The following SELENOT variants were observed in gnomAD, a reference collection of about 807,000 sequenced individuals.
SELENOT encodes the protein selenoprotein T, also known as thioredoxin reductase-like selenoprotein T.
Under a neutral mutation model 24.3 loss-of-function variants are expected in SELENOT, and 9 were observed. The observed-to-expected ratio is 0.37, with a 90% CI of 0.22 to 0.65. The LOEUF (loss-of-function observed/expected upper bound fraction) is 0.65, where lower values mean the gene tolerates loss of function less well. Among genes scored for constraint, SELENOT ranks in the 30% least tolerant of loss-of-function variants. The pLI is 0.60. For synonymous variants in SELENOT, 81 were observed against 86.0 expected, an observed-to-expected ratio of 0.94 and a Z score of 0.32; for missense variants, 166 against 247.6, an observed-to-expected ratio of 0.67 and a Z score of 2.21.
At chr3:150,603,533 C>T (rs1371662766) in intron 1 of SELENOT, 34 bp downstream of exon 1, 3 of 1,550,066 alleles carry the variant, frequency 1.9e-6, no homozygotes, top group Non-Finnish European at 2.6e-6. Flanking sequence ...GCCACCCCGC[C>T]GCGCCTCTGC....
At chr3:150,615,835 A>G (rs891286528) in intron 1 of SELENOT, among the ~76,000 whole-genome samples, 2 of 151,710 alleles carry the variant, frequency 1.3e-5, no homozygotes, top group African/African-American at 4.8e-5. Flanking sequence ...TCTTCACAGA[A>G]TTGGAAAAAA....
At position 150,629,120 on chromosome 3, in the gene SELENOT, A is replaced by C. The variant is rs1433156362; in HGVS notation, c.*1491A>C. On this transcript the variant is annotated 3_prime_UTR_variant, in exon 6 of 6. Transcript: ENST00000471696. ...CTAACTTTCTGTAACAATTAACCTT[A>C]TACTTTGTTTGTCATCGAATATTTG... 6.6e-6 allele frequency: 1 copy of C among 152,216 alleles called. No individual in the cohort carries two copies. The highest frequency in any genetic ancestry group is 2.4e-5 in the African/African-American group (1 of 41,450). 9.4% of individuals were successfully genotyped at this position (152,216 alleles called of 1,614,324 possible). A position where few individuals can be genotyped will look rare whatever the true frequency, so the allele number is the denominator to read the frequency against.
chr3:150,611,913 TC>T, intron 1 of SELENOT: 2 of 982,196 alleles, frequency 2.0e-6, no homozygotes, highest in Non-Finnish European at 3.0e-6. Flanking sequence ...CTGACAGAAA[TC>T]CCCACTCTCC....
chr3:150,626,711 C>T (rs1726453820), intron 4 of SELENOT, among the ~76,000 whole-genome samples: 1 of 152,196 alleles, frequency 6.6e-6, no homozygotes, highest in African/African-American at 2.4e-5. Context: ...TTTTAGATCT[C>T]AATTTAAATG....
At chr3:150,622,516 A>G (rs1420507876) in intron 2 of SELENOT, 21 bp downstream of exon 2, 4 of 1,215,956 alleles carry the variant, frequency 3.3e-6, no homozygotes, top group South Asian at 1.6e-5. Context: ...TTAATAACTT[A>G]AAAGGAAAAC....
rs891590348 is a variant in SELENOT at position 150,606,441 on chromosome 3, A to G, written c.137+2942A>G. Reference sequence around the variant, plus strand: ...AAGTCTACCAGACTGGCACAGTATTACTTGTGTATCTGAGTCTGTGGTTTA... The same window carrying G: ...AAGTCTACCAGACTGGCACAGTATTGCTTGTGTATCTGAGTCTGTGGTTTA... On this transcript the variant is annotated intron_variant, in intron 1 of 5. Transcript: ENST00000471696. 5.9e-5 allele frequency among the ~76,000 whole-genome samples: 9 copies of G among 152,154 alleles called. 1 individual carries two copies. The highest frequency in any genetic ancestry group is 1.0e-4 in the Non-Finnish European group (7 of 68,014).
rs952970469 is a variant in SELENOT at position 150,624,975 on chromosome 3, AATAAG to A, written c.463+81_463+85del. The A allele has an allele frequency of 1.8e-4, 123 of 698,970 alleles. No individual in the cohort carries two copies. The African/African-American group carries it at 2.1e-3, about 12-fold the overall frequency. The allele number at this position is 698,970 out of a possible 1,614,324, so 43.3% of individuals were successfully genotyped here. Reference sequence around the variant, plus strand: ...TGAGTATCAAGCTTTTATCTTTTATAATAAGATAAACTTCTTTAGTGTTTGTATAA... The same window carrying A: ...TGAGTATCAAGCTTTTATCTTTTATAATAAACTTCTTTAGTGTTTGTATAA... On this transcript the variant is annotated intron_variant, in intron 4 of 5. Transcript: ENST00000471696.
intron 1 of SELENOT, among the ~76,000 whole-genome samples, chr3:150,605,706 G>T (rs1006359206): frequency 1.3e-5 from 2 of 152,076 alleles, no homozygotes; most frequent in Admixed American, 6.5e-5. Context: ...GATCAACTTA[G>T]CTTGTTGTTT....
At chr3:150,621,166 CTT>C (rs1207627001) in intron 1 of SELENOT, among the ~76,000 whole-genome samples, 2 of 152,062 alleles carry the variant, frequency 1.3e-5, no homozygotes, top group South Asian at 2.1e-4. Flanking sequence ...ATTTGTATCT[CTT>C]TGCGAAATAT....
At position 150,629,216 on chromosome 3, in the gene SELENOT, C is replaced by G. The variant is rs1318823297; in HGVS notation, c.*1587C>G. The G allele has an allele frequency of 6.6e-6, 1 of 152,170 alleles. No individual in the cohort carries two copies. Among genetic ancestry groups the G allele is most frequent in the East Asian group, 1.9e-4 (1 of 5,192 alleles). The allele number at this position is 152,170 out of a possible 1,614,324, so 9.4% of individuals were successfully genotyped here. On this transcript the variant is annotated 3_prime_UTR_variant, in exon 6 of 6. Coordinates refer to ENST00000471696, the MANE Select transcript of SELENOT (RefSeq NM_016275.5). ...TGGAACATACTGTAATCTCCAGATG[C>G]TAGGAAGTTAGTCTAATAATTCACT...
chr3:150,625,482 C>T (rs1378836217), intron 4 of SELENOT, among the ~76,000 whole-genome samples: 2 of 152,078 alleles, frequency 1.3e-5, no homozygotes, highest in Non-Finnish European at 2.9e-5. Context: ...CTTCTCAGTT[C>T]CACCTCCTAA....
At position 150,618,706 on chromosome 3, in the gene SELENOT, T is replaced by G. The variant is rs185143430; in HGVS notation, c.138-3679T>G. On this transcript the variant is annotated intron_variant, in intron 1 of 5. Transcript: ENST00000471696. ...CTGGCTAATTTTTTCTTTTTTTTTGTAGAGATGGAGTCTCACTGTATTGCC... is the reference window on the plus strand; with the variant it reads ...CTGGCTAATTTTTTCTTTTTTTTTGGAGAGATGGAGTCTCACTGTATTGCC... 7.8e-5 allele frequency: 12 copies of G among 154,028 alleles called. No homozygotes were observed. In the East Asian group the frequency reaches 2.3e-3, roughly 30 times the overall value. The allele number at this position is 154,028 out of a possible 1,614,324, so 9.5% of individuals were successfully genotyped here. A position where few individuals can be genotyped will look rare whatever the true frequency, so the allele number is the denominator to read the frequency against.
chr3:150,608,474 A>T (rs1726018790), intron 1 of SELENOT, among the ~76,000 whole-genome samples: 3 of 152,230 alleles, frequency 2.0e-5, no homozygotes, highest in Non-Finnish European at 2.9e-5. Flanking sequence ...ATTTATAGAG[A>T]TGCTACATGT....
chr3:150,604,923 A>C lies in SELENOT; in HGVS notation c.137+1424A>C, dbSNP rs1432396754. 2.0e-5 allele frequency among the ~76,000 whole-genome samples: 3 copies of C among 151,696 alleles called. No individual in the cohort carries two copies. In the East Asian group the frequency reaches 5.8e-4, roughly 29 times the overall value. On this transcript the variant is annotated intron_variant, in intron 1 of 5. Transcript: ENST00000471696. The stretch of plus-strand genomic sequence containing the variant: ...GTGGTGGCGCATGCCTGTAATCCCA[A>C]CTACTTGGGAGGCTGAGGCAGGAGA...
intron 1 of SELENOT, among the ~76,000 whole-genome samples, chr3:150,613,572 A>C (rs1726145264): frequency 6.6e-6 from 1 of 151,890 alleles, no homozygotes; most frequent in Non-Finnish European, 1.5e-5. Flanking sequence ...GTTGCACAAA[A>C]GTGAATAAAG....
chr3:150,620,022 T>C (rs1326523036), intron 1 of SELENOT, among the ~76,000 whole-genome samples: 1 of 152,232 alleles, frequency 6.6e-6, no homozygotes, highest in African/African-American at 2.4e-5. Context: ...CTTTTTGGAA[T>C]CAGATTATTA....
chr3:150,604,021 G>C (rs1725903383), intron 1 of SELENOT, among the ~76,000 whole-genome samples: 2 of 152,226 alleles, frequency 1.3e-5, no homozygotes, highest in Non-Finnish European at 2.9e-5. Context: ...TCCTGAACTT[G>C]CTGGGGGGAC....
intron 2 of SELENOT, 80 bp from the exon 3 acceptor site, chr3:150,622,963 T>C (rs994711434): frequency 5.4e-6 from 7 of 1,285,222 alleles, no homozygotes; most frequent in South Asian, 2.1e-5. Flanking sequence ...AGAAAATCTT[T>C]ACATACACTT....
chr3:150,603,662 C>G, intron 1 of SELENOT, 163 bp downstream of exon 1: 1 of 777,030 alleles, frequency 1.3e-6, no homozygotes, highest in Non-Finnish European at 2.0e-6. Context: ...CCCCTTAGCG[C>G]GGTCAGGCCG....
Sources: allele counts gnomAD v4.1 joint callset (sites outside exome capture counted in the v4.1 genomes callset), GRCh38; gene constraint gnomAD v4.1.1; transcripts MANE v1.5; gene names NCBI Gene and HGNC (gene_info 2026-07-23, HGNC 2026-07-21).